Variants in PRKAR1B observed in about 807,000 individuals in gnomAD.
PRKAR1B encodes protein kinase cAMP-dependent type I regulatory subunit beta.
In PRKAR1B, 22 loss-of-function variants were observed where a neutral mutation model predicts 46.5. The ratio of observed to expected loss-of-function variants is 0.47; its 90% CI spans 0.34 to 0.68. The LOEUF is 0.68. Ranked by LOEUF, PRKAR1B falls within the 30% of genes least tolerant of loss-of-function variation. The pLI is 0.01. For missense variants in PRKAR1B, 445 were observed against 535.6 expected (o/e 0.83, Z 1.67); for synonymous variants, 259 against 217.7 (o/e 1.19, Z -1.67).
intron 4 of PRKAR1B, among the ~76,000 whole-genome samples, chr7:632,312 C>T (rs1205715567): frequency 5.9e-5 from 9 of 152,166 alleles, no homozygotes; most frequent in Non-Finnish European, 1.2e-4. Flanking sequence ...GGCGTGGAGA[C>T]CACCCACCTC....
chr7:580,347 A>G (rs28406904), intron 8 of PRKAR1B, among the ~76,000 whole-genome samples: 47,931 of 151,582 alleles, frequency 0.32, 8,358 homozygotes, highest in Non-Finnish European at 0.37. Context: ...TGAGCTCAGG[A>G]GTTCGAGACC....
intron 9 of PRKAR1B, among the ~76,000 whole-genome samples, chr7:562,486 AG>A (rs1331870799): frequency 6.6e-6 from 1 of 152,146 alleles, no homozygotes; most frequent in African/African-American, 2.4e-5. Context: ...CCTCCCAACC[AG>A]GGGTCACCAG....
chr7:606,104 T>C, intron 6 of PRKAR1B, 89 bp downstream of exon 6: 1 of 1,279,476 alleles, frequency 7.8e-7, no homozygotes, highest in East Asian at 2.3e-5. Flanking sequence ...GCAGTGTTTG[T>C]TGGGGGCCTG....
chr7:584,002 T>C (rs188602983), intron 8 of PRKAR1B, among the ~76,000 whole-genome samples: 163 of 152,274 alleles, frequency 1.1e-3, no homozygotes, highest in African/African-American at 3.7e-3. Context: ...TGGGCACACC[T>C]GAAACCCCAG....
rs139109556 is a variant in PRKAR1B, at chr7:579,260, G to A, written c.887C>T (p.Thr296Met). The A allele has an allele frequency of 3.1e-6, 5 of 1,614,110 alleles. No homozygotes were observed. Among genetic ancestry groups the A allele is most frequent in the Middle Eastern group, 1.6e-4 (1 of 6,062 alleles). Residue 296 changes from threonine (T) to methionine (M), a missense_variant, in exon 9 of 11, where the codon ACG becomes ATG. This residue lies in a region of PRKAR1B where 127 missense variants were observed against 138.0 expected (regional missense o/e 0.92). Coordinates refer to ENST00000537384, the MANE Select transcript of PRKAR1B (RefSeq NM_001164760.2). ...CACGTGGGAAGCACGTCTCACCTCCGTGATGATGTAAAAGTCGTCCCCAGG... is the reference window on the plus strand; with the variant it reads ...CACGTGGGAAGCACGTCTCACCTCCATGATGATGTAAAAGTCGTCCCCAGG... ...GEPGDDFYIITEGTASVLQRR... is the reference protein window; with the variant it reads ...GEPGDDFYIIMEGTASVLQRR...
chr7:708,339 C>CA (rs1780439662), intron 2 of PRKAR1B, among the ~76,000 whole-genome samples: 2 of 152,114 alleles, frequency 1.3e-5, no homozygotes, highest in East Asian at 3.9e-4. Flanking sequence ...TTAAGATGCC[C>CA]GGTGTGTGGT....
In PRKAR1B at chr7:685,348, G is replaced by GTATA. The variant is rs1779015638; in HGVS notation, c.178-4626_178-4623dup. Among the ~76,000 whole-genome samples, 9 of 43,658 alleles carry GTATA rather than the reference G, an allele frequency of 2.1e-4. No individual in the cohort carries two copies. In the East Asian group the frequency reaches 2.7e-3, roughly 13 times the overall value. 28.6% of individuals were successfully genotyped at this position (43,658 alleles called of 152,430 possible). On this transcript the variant is annotated intron_variant, in intron 2 of 10. Transcript: ENST00000537384. ...TATACGTATATATACGTATATATAT[G>GTATA]TATACATATATATATACACATATAT...
At chr7:703,730 C>T (rs1439281002) in intron 2 of PRKAR1B, among the ~76,000 whole-genome samples, 1 of 151,280 alleles carries the variant, frequency 6.6e-6, no homozygotes, top group Non-Finnish European at 1.5e-5. Flanking sequence ...CAGACCTAAC[C>T]AACATTTCCA....
At chr7:668,458 G>A (rs1786054518) in intron 4 of PRKAR1B, among the ~76,000 whole-genome samples, 1 of 152,214 alleles carries the variant, frequency 6.6e-6, no homozygotes, top group Admixed American at 6.5e-5. Flanking sequence ...CCAGAAAAAG[G>A]AGCCCACTGG....
At chr7:629,012 G>A (rs80331677) in intron 4 of PRKAR1B, among the ~76,000 whole-genome samples, 3,800 of 152,316 alleles carry the variant, frequency 0.025, 152 homozygotes, top group African/African-American at 0.087. Context: ...ACCGCGGGAC[G>A]CCATTGCTAC....
intron 2 of PRKAR1B, among the ~76,000 whole-genome samples, chr7:681,515 T>G (rs1448781602): frequency 6.6e-6 from 1 of 152,168 alleles, no homozygotes; most frequent in Non-Finnish European, 1.5e-5. Flanking sequence ...TTTAATTTGC[T>G]TTTTAAAGTG....
rs142556643 is a variant in PRKAR1B at position 679,560 on chromosome 7, G to C, written c.348+996C>G. On this transcript the variant is annotated intron_variant, in intron 3 of 10. Coordinates refer to ENST00000537384, the MANE Select transcript of PRKAR1B (RefSeq NM_001164760.2). Reference sequence around the variant, plus strand: ...GCTGATTATAAAAGTATTAAGTACTGCGGAAAGGAATGGGGTGTGCGTGTT... The same window carrying C: ...GCTGATTATAAAAGTATTAAGTACTCCGGAAAGGAATGGGGTGTGCGTGTT... Among the ~76,000 whole-genome samples, 303 of 152,356 alleles carry C rather than the reference G, an allele frequency of 2.0e-3. 4 individuals are homozygous for C. The highest frequency in any genetic ancestry group is 0.011 in the Admixed American group (168 of 15,300).
chr7:697,105 G>GT (rs1583433676), intron 2 of PRKAR1B: 1 of 152,308 alleles, frequency 6.6e-6, no homozygotes. Context: ...TAACAACACT[G>GT]TGGGAACAGG....
chr7:663,583 C>A (rs1785735918), intron 4 of PRKAR1B, among the ~76,000 whole-genome samples: 2 of 152,114 alleles, frequency 1.3e-5, no homozygotes, highest in African/African-American at 4.8e-5. Context: ...AAAAGGCTCT[C>A]GGTCAGGAGG....
chr7:567,466 CCAT>C (rs1343610474), intron 9 of PRKAR1B, among the ~76,000 whole-genome samples: 2 of 147,738 alleles, frequency 1.4e-5, no homozygotes, highest in African/African-American at 2.5e-5. Flanking sequence ...ATCACTATCA[CCAT>C]CATCACCATC....
At chr7:715,967 G>A (rs6962497) in intron 1 of PRKAR1B, among the ~76,000 whole-genome samples, 25 of 152,012 alleles carry the variant, frequency 1.6e-4, no homozygotes, top group Non-Finnish European at 2.8e-4. Flanking sequence ...CGCCCGCCTT[G>A]GCCTCCCAAA....
chr7:668,881 G>A (rs1292425408), intron 4 of PRKAR1B, among the ~76,000 whole-genome samples: 5 of 152,144 alleles, frequency 3.3e-5, no homozygotes, highest in East Asian at 3.9e-4. Context: ...GGCACAGAAA[G>A]GAATGGGAGG....
rs1781082584 is a variant in PRKAR1B, at chr7:593,173, A to G, written c.708+2973T>C. Among the ~76,000 whole-genome samples the G allele has an allele frequency of 6.6e-6, 1 of 152,174 alleles. No individual in the cohort carries two copies. The highest frequency in any genetic ancestry group is 1.5e-5 in the Non-Finnish European group (1 of 68,024). ...GGATAAAACGTGAAGCGGTGGAGGAAAGAGACGGGCATCAGGGAGTCTCCC... is the reference window on the plus strand; with the variant it reads ...GGATAAAACGTGAAGCGGTGGAGGAGAGAGACGGGCATCAGGGAGTCTCCC... On this transcript the variant is annotated intron_variant, in intron 7 of 10. Transcript: ENST00000537384. The surrounding 1 kb of genome is among the most constrained non-coding windows in gnomAD (Gnocchi z 6.1).
At chr7:661,895 C>A (rs867040390) in intron 4 of PRKAR1B, among the ~76,000 whole-genome samples, 3 of 63,272 alleles carry the variant, frequency 4.7e-5, no homozygotes, top group Admixed American at 1.4e-4. Flanking sequence ...ACCTACTCTC[C>A]CCCCCATGGC....
Sources: allele counts gnomAD v4.1 joint callset (sites outside exome capture counted in the v4.1 genomes callset), GRCh38; gene constraint gnomAD v4.1.1; regional missense constraint gnomAD v4.1.1; non-coding constraint Gnocchi (gnomAD v3.1); transcripts MANE v1.5; gene names NCBI Gene and HGNC (gene_info 2026-07-23, HGNC 2026-07-21).